ARMC2: variants seen among roughly 807,000 people sequenced by gnomAD.
ARMC2 encodes the protein armadillo repeat containing 2.
Under a neutral mutation model 90.3 loss-of-function variants are expected in ARMC2, and 67 were observed. The observed-to-expected ratio is 0.74, with a 90% CI of 0.61 to 0.91. ARMC2 has a LOEUF of 0.91. Ranked by LOEUF, ARMC2 falls within the 40% of genes least tolerant of loss-of-function variation. ARMC2 has a pLI of 0.00. For synonymous variants in ARMC2, 393 were observed against 393.0 expected, an observed-to-expected ratio of 1.00 and a Z score of 0.00; for missense variants, 920 against 1,030.9, an observed-to-expected ratio of 0.89 and a Z score of 1.47.
At chr6:108,909,596 C>T (rs978641984) in intron 8 of ARMC2, among the ~76,000 whole-genome samples, 4 of 152,202 alleles carry the variant, frequency 2.6e-5, no homozygotes, top group East Asian at 1.9e-4. Flanking sequence ...AGTGCAGTGG[C>T]GCGATCTCGG....
chr6:108,897,484 A>G (rs1466148377), intron 6 of ARMC2, among the ~76,000 whole-genome samples: 2 of 152,118 alleles, frequency 1.3e-5, no homozygotes, highest in Non-Finnish European at 2.9e-5. Context: ...CAAATGTTTA[A>G]TAATAGCTTT....
At chr6:109,025,722 A>G in the ARMC2 span, among the ~76,000 whole-genome samples, 1 of 152,144 alleles carries the variant, frequency 6.6e-6, no homozygotes, top group Admixed American at 6.5e-5. Flanking sequence ...TACTCAGTAT[A>G]GCTGAAAATT....
chr6:108,881,955 T>G (rs1034281408), intron 5 of ARMC2, among the ~76,000 whole-genome samples: 4 of 152,020 alleles, frequency 2.6e-5, no homozygotes, highest in African/African-American at 9.7e-5. Flanking sequence ...TGGCTCTGTT[T>G]AAAGATAAAT....
the ARMC2 span, among the ~76,000 whole-genome samples, chr6:109,013,589 A>G: frequency 6.6e-6 from 1 of 152,266 alleles, no homozygotes. Flanking sequence ...AGGCATAATC[A>G]TACTTTTATG....
At chr6:108,992,969 G>A in the ARMC2 span, 3 of 953,322 alleles carry the variant, frequency 3.1e-6, no homozygotes, top group East Asian at 2.5e-5. Context: ...ACCCAAAGGA[G>A]TAAAAATGGC....
intron 3 of ARMC2, among the ~76,000 whole-genome samples, chr6:108,865,848 T>C (rs1184205023): frequency 6.6e-6 from 1 of 151,914 alleles, no homozygotes; most frequent in East Asian, 1.9e-4. Flanking sequence ...GGAGACCCTG[T>C]CTCTACAAAA....
chr6:108,994,675 G>C, the ARMC2 span: 5 of 582,404 alleles, frequency 8.6e-6, no homozygotes, highest in South Asian at 2.1e-5. Flanking sequence ...TATCTTTTAA[G>C]TCTGTCTCAT....
At chr6:108,942,081 T>C (rs1475493343) in intron 12 of ARMC2, among the ~76,000 whole-genome samples, 1 of 152,154 alleles carries the variant, frequency 6.6e-6, no homozygotes. Context: ...CTCCAAATGG[T>C]TATCATTATG....
intron 12 of ARMC2, among the ~76,000 whole-genome samples, chr6:108,938,629 T>C (rs1305663637): frequency 7.5e-6 from 1 of 132,598 alleles, no homozygotes; most frequent in Non-Finnish European, 1.6e-5. Context: ...CTTTGGTGCT[T>C]TGATCTTGGG....
chr6:108,858,333 A>G (rs2128418548), intron 3 of ARMC2, 62 bp downstream of exon 3: 1 of 1,311,754 alleles, frequency 7.6e-7, no homozygotes, highest in Admixed American at 1.9e-5. Context: ...TTGGCCAAAA[A>G]CACTTGGAAT....
chr6:109,036,348 A>G, the ARMC2 span, among the ~76,000 whole-genome samples: 1 of 152,226 alleles, frequency 6.6e-6, no homozygotes, highest in Non-Finnish European at 1.5e-5. Context: ...GTTTCAAATA[A>G]TTAATATGAA....
rs183038733 is a variant in ARMC2 at position 108,891,530 on chromosome 6, G to T, written c.672-2937G>T. Among the ~76,000 whole-genome samples, 640 of 152,230 alleles carry T rather than the reference G, an allele frequency of 4.2e-3. 3 individuals are homozygous for T. Among genetic ancestry groups the T allele is most frequent in the African/African-American group, 0.014 (600 of 41,550 alleles). On this transcript the variant is annotated intron_variant, in intron 5 of 17. Coordinates refer to ENST00000392644, the MANE Select transcript of ARMC2 (RefSeq NM_032131.6). ...ATGATGAGCTTTTTAAAATATATTT[G>T]TTGGCCGCATAAATGTCTTCTTTTG... is the stretch of plus-strand genomic sequence containing the variant.
At chr6:108,878,099 G>C (rs573526849) in intron 5 of ARMC2, among the ~76,000 whole-genome samples, 1 of 152,176 alleles carries the variant, frequency 6.6e-6, no homozygotes, top group Non-Finnish European at 1.5e-5. Context: ...AGTTTACGTA[G>C]TAGGATTAAA....
At chr6:108,950,411 A>G (rs1373813405) in intron 12 of ARMC2, among the ~76,000 whole-genome samples, 1 of 152,252 alleles carries the variant, frequency 6.6e-6, no homozygotes, top group Non-Finnish European at 1.5e-5. Flanking sequence ...AAGACCATGT[A>G]GTACATATAC....
At chr6:108,861,011 T>C (rs1231087334) in intron 3 of ARMC2, among the ~76,000 whole-genome samples, 1 of 152,202 alleles carries the variant, frequency 6.6e-6, no homozygotes, top group Non-Finnish European at 1.5e-5. Context: ...CCCTTACTTA[T>C]TGACCTCAAT....
rs574318027 is a variant in ARMC2 at position 108,952,802 on chromosome 6, C to T, written c.1597-231C>T. Among the ~76,000 whole-genome samples the T allele has an allele frequency of 1.6e-4, 25 of 152,310 alleles. 1 individual carries two copies. Among genetic ancestry groups the T allele is most frequent in the African/African-American group, 5.1e-4 (21 of 41,558 alleles). ...AGATGAAGGATCTGAAGGTAATAGA[C>T]GTTGCTGATCACATCAATCAGTTTG... On this transcript the variant is annotated intron_variant, in intron 12 of 17. Coordinates refer to ENST00000392644, the MANE Select transcript of ARMC2 (RefSeq NM_032131.6).
intron 3 of ARMC2, among the ~76,000 whole-genome samples, chr6:108,862,342 C>CAAAAAAAAAAAA (rs71551359): frequency 2.2e-4 from 8 of 36,552 alleles, no homozygotes; most frequent in East Asian, 8.3e-4. Context: ...AGACTCATCT[C>CAAAAAAAAAAAA]AAAAAAAAAA....
chr6:108,946,661 A>C (rs1776831381), intron 12 of ARMC2, among the ~76,000 whole-genome samples: 1 of 152,206 alleles, frequency 6.6e-6, no homozygotes, highest in Non-Finnish European at 1.5e-5. Context: ...TATTTTGATT[A>C]ATTTTCTGGT....
intron 17 of ARMC2, among the ~76,000 whole-genome samples, chr6:108,967,858 T>A (rs1169787852): frequency 6.6e-6 from 1 of 152,212 alleles, no homozygotes; most frequent in Non-Finnish European, 1.5e-5. Context: ...CTCCCGCCTC[T>A]GTGCCTTTGC....
Sources: allele counts gnomAD v4.1 joint callset (sites outside exome capture counted in the v4.1 genomes callset), GRCh38; gene constraint gnomAD v4.1.1; transcripts MANE v1.5; gene names NCBI Gene and HGNC (gene_info 2026-07-23, HGNC 2026-07-21).